BMPR1B: variants seen among roughly 807,000 people sequenced by gnomAD.
BMPR1B encodes bone morphogenetic protein receptor type 1B, also known as bone morphogenetic protein receptor type-1B.
BMPR1B carries 12 observed loss-of-function variants against 59.1 expected under a neutral mutation model. That is an observed-to-expected ratio of 0.20 (90% confidence interval 0.13 to 0.33). BMPR1B has a LOEUF of 0.33. BMPR1B is among the 10% of genes least tolerant of loss of function. The pLI, the probability that BMPR1B is intolerant of heterozygous loss-of-function variation, is 1.00. For synonymous variants in BMPR1B, 237 were observed against 207.3 expected (o/e 1.14, Z -1.23); for missense variants, 550 against 610.9 (o/e 0.90, Z 1.05).
chr4:95,099,483 T>G (rs1032075267), intron 3 of BMPR1B, among the ~76,000 whole-genome samples: 1 of 152,216 alleles, frequency 6.6e-6, no homozygotes, highest in Non-Finnish European at 1.5e-5. Context: ...AATATAAAAT[T>G]CAGTATTCCC....
At chr4:95,080,204 T>C (rs927865517) in intron 3 of BMPR1B, among the ~76,000 whole-genome samples, 1 of 152,214 alleles carries the variant, frequency 6.6e-6, no homozygotes, top group Non-Finnish European at 1.5e-5. Flanking sequence ...TTAGCTTATC[T>C]TAAAATATTT....
chr4:94,797,037 G>A (rs1723219933), intron 1 of BMPR1B, among the ~76,000 whole-genome samples: 1 of 152,148 alleles, frequency 6.6e-6, no homozygotes, highest in Admixed American at 6.5e-5. Context: ...AAGAAAAAGA[G>A]GTTTAATTGG....
At chr4:95,059,852 A>G (rs1190279154) in intron 3 of BMPR1B, among the ~76,000 whole-genome samples, 3 of 152,182 alleles carry the variant, frequency 2.0e-5, no homozygotes, top group Non-Finnish European at 4.4e-5. Flanking sequence ...CAGTTGGCCA[A>G]TGTGTTTTCC....
Position 94,831,900 on chromosome 4 carries a change from T to C in BMPR1B, c.-182-43931T>C, listed in dbSNP as rs1319932452. On this transcript the variant is annotated intron_variant, in intron 1 of 12. Coordinates refer to ENST00000515059, the MANE Select transcript of BMPR1B (RefSeq NM_001203.3). Reference sequence around the variant, plus strand: ...GAACAGCACATATGAGGGATCTGGGTTGTGAGCTTCTTATGAGAATATACT... The same window carrying C: ...GAACAGCACATATGAGGGATCTGGGCTGTGAGCTTCTTATGAGAATATACT... 2.6e-5 allele frequency among the ~76,000 whole-genome samples: 4 copies of C among 152,142 alleles called. No homozygotes were observed. The East Asian group carries it at 5.8e-4, about 22-fold the overall frequency.
chr4:94,853,173 TAAA>T (rs1237079350), intron 1 of BMPR1B, among the ~76,000 whole-genome samples: 1 of 152,142 alleles, frequency 6.6e-6, no homozygotes, highest in Non-Finnish European at 1.5e-5. Context: ...GTTTATTACT[TAAA>T]AAAGCAACTC....
At chr4:95,138,234 C>T (rs535421023) in intron 10 of BMPR1B, among the ~76,000 whole-genome samples, 11 of 152,226 alleles carry the variant, frequency 7.2e-5, no homozygotes, top group African/African-American at 1.7e-4. Context: ...GAATATTGGC[C>T]CCCACTCTCT....
At chr4:94,811,205 C>T (rs1036816008) in intron 1 of BMPR1B, among the ~76,000 whole-genome samples, 6 of 152,194 alleles carry the variant, frequency 3.9e-5, no homozygotes, top group Non-Finnish European at 7.3e-5. Context: ...AACAGGTTTT[C>T]TGACCAATAG....
At chr4:94,930,798 A>G (rs758235875) in intron 2 of BMPR1B, among the ~76,000 whole-genome samples, 2 of 152,188 alleles carry the variant, frequency 1.3e-5, no homozygotes, top group Non-Finnish European at 2.9e-5. Context: ...TTGAAGATAT[A>G]TCATAGAAAT....
At chr4:94,846,363 C>T (rs895253370) in intron 1 of BMPR1B, among the ~76,000 whole-genome samples, 2 of 152,026 alleles carry the variant, frequency 1.3e-5, no homozygotes, top group Non-Finnish European at 2.9e-5. Flanking sequence ...GGTATTGATC[C>T]TGGGTGTGTC....
intron 10 of BMPR1B, among the ~76,000 whole-genome samples, chr4:95,147,211 T>C (rs1734715539): frequency 6.6e-6 from 1 of 152,296 alleles, no homozygotes; most frequent in East Asian, 1.9e-4. Context: ...ATCTAAAACA[T>C]AAAATTTTAG....
At chr4:95,112,039 A>G (rs931003734) in intron 4 of BMPR1B, among the ~76,000 whole-genome samples, 6 of 151,994 alleles carry the variant, frequency 3.9e-5, no homozygotes, top group Non-Finnish European at 8.8e-5. Flanking sequence ...GCACTCAACT[A>G]CTGTTTCATT....
intron 10 of BMPR1B, among the ~76,000 whole-genome samples, chr4:95,139,363 G>C (rs1380325808): frequency 6.6e-6 from 1 of 152,184 alleles, no homozygotes; most frequent in Non-Finnish European, 1.5e-5. Flanking sequence ...TCAGGAGTCA[G>C]GGACCCACTG....
rs555900944 is a variant in BMPR1B at position 94,871,109 on chromosome 4, C to G, written c.-182-4722C>G. On this transcript the variant is annotated intron_variant, in intron 1 of 12. Coordinates refer to ENST00000515059, the MANE Select transcript of BMPR1B (RefSeq NM_001203.3). The stretch of plus-strand genomic sequence containing the variant: ...TATCCCAATTTTACAGATGAGAAAA[C>G]CAGGGGTTAGAGAAGTTAAGCAGCT... Among the ~76,000 whole-genome samples the G allele has an allele frequency of 3.3e-5, 5 of 152,008 alleles. No individual in the cohort carries two copies. In the South Asian group the frequency reaches 1.0e-3, roughly 32 times the overall value.
chr4:95,058,335 C>G (rs1042912883), intron 3 of BMPR1B, among the ~76,000 whole-genome samples: 3 of 152,072 alleles, frequency 2.0e-5, no homozygotes, highest in African/African-American at 4.8e-5. Flanking sequence ...CTCATGAGTA[C>G]CTGGTGAAAA....
Position 95,158,213 on chromosome 4 carries a change from A to G in BMPR1B, c.*3540A>G, listed in dbSNP as rs1250604124. On this transcript the variant is annotated 3_prime_UTR_variant, in exon 13 of 13. Coordinates refer to ENST00000515059, the MANE Select transcript of BMPR1B (RefSeq NM_001203.3). The stretch of plus-strand genomic sequence containing the variant: ...GTGATTCCTCTTGTAAAACAAAACA[A>G]AAAAACAATGCCATATTTTTTGGAG... The G allele has an allele frequency of 6.6e-6, 1 of 152,224 alleles. No homozygotes were observed. The highest frequency in any genetic ancestry group is 2.4e-5 in the African/African-American group (1 of 41,458). The allele number at this position is 152,224 out of a possible 1,614,324, so 9.4% of individuals were successfully genotyped here.
At chr4:94,987,298 CT>C (rs1721483568) in intron 2 of BMPR1B, among the ~76,000 whole-genome samples, 1 of 144,980 alleles carries the variant, frequency 6.9e-6, no homozygotes, top group Admixed American at 7.1e-5. Context: ...AATGATATTC[CT>C]GAGCTTTGCA....
At chr4:94,797,355 A>G (rs989285255) in intron 1 of BMPR1B, among the ~76,000 whole-genome samples, 1 of 152,198 alleles carries the variant, frequency 6.6e-6, no homozygotes, top group Non-Finnish European at 1.5e-5. Flanking sequence ...AATATAACTT[A>G]GTTCAAATAA....
chr4:94,950,445 C>G (rs1238529721), intron 2 of BMPR1B, among the ~76,000 whole-genome samples: 1 of 152,072 alleles, frequency 6.6e-6, no homozygotes, highest in Non-Finnish European at 1.5e-5. Context: ...AATCTTTAAT[C>G]CATCTTGAGT....
At chr4:94,792,046 G>T (rs1055397781) in intron 1 of BMPR1B, among the ~76,000 whole-genome samples, 1 of 152,030 alleles carries the variant, frequency 6.6e-6, no homozygotes, top group Non-Finnish European at 1.5e-5. Context: ...AAGCTAAGTA[G>T]TTCCTCATTT....
Sources: gnomAD v4.1 joint callset for allele counts (sites outside exome capture counted in the v4.1 genomes callset) on GRCh38, gnomAD v4.1.1 for gene constraint, MANE v1.5 for transcripts, NCBI Gene and HGNC (gene_info 2026-07-23, HGNC 2026-07-21) for gene names.